NDEL1: variants seen among roughly 807,000 people sequenced by gnomAD.
NDEL1 encodes the protein nuclear distribution protein nudE-like 1.
Under a neutral mutation model 45.7 loss-of-function variants are expected in NDEL1, and 9 were observed. The ratio of observed to expected loss-of-function variants is 0.20; its 90% CI spans 0.12 to 0.34. The LOEUF (loss-of-function observed/expected upper bound fraction) is 0.34. Among genes scored for constraint, NDEL1 ranks in the 10% least tolerant of loss-of-function variants. NDEL1 has a pLI of 1.00. For synonymous variants in NDEL1, 133 were observed against 158.6 expected (o/e 0.84, Z 1.21); for missense variants, 306 against 406.2 (o/e 0.75, Z 2.12).
chr17:8,445,570 A>G, intron 2 of NDEL1, 141 bp from the exon 3 acceptor site: 4 of 826,532 alleles, frequency 4.8e-6, no homozygotes, highest in Non-Finnish European at 7.1e-6. Context: ...ACAGTAAGAG[A>G]TGCAAAACAG....
intron 1 of NDEL1, among the ~76,000 whole-genome samples, chr17:8,442,234 A>C (rs1400067309): frequency 6.6e-6 from 1 of 152,032 alleles, no homozygotes; most frequent in Non-Finnish European, 1.5e-5. Flanking sequence ...ATTTTGTCTA[A>C]CTGATAATGA....
intron 5 of NDEL1, among the ~76,000 whole-genome samples, chr17:8,449,945 G>A (rs939090028): frequency 8.5e-5 from 13 of 152,298 alleles, no homozygotes; most frequent in African/African-American, 3.1e-4. Context: ...TATTCTGTAA[G>A]TTAAATTGCA....
chr17:8,454,202 T>A (rs768369399), intron 6 of NDEL1, among the ~76,000 whole-genome samples: 2 of 152,124 alleles, frequency 1.3e-5, no homozygotes, highest in Non-Finnish European at 2.9e-5. Flanking sequence ...CGCTGAGAGA[T>A]AGAACATCTA....
chr17:8,419,680 T>G (rs111849688), intron 1 of NDEL1, among the ~76,000 whole-genome samples: 216 of 152,280 alleles, frequency 1.4e-3, no homozygotes, highest in African/African-American at 4.8e-3. Context: ...TCTCTTTTTT[T>G]GGGGGAAAAA....
intron 1 of NDEL1, among the ~76,000 whole-genome samples, chr17:8,428,901 C>A (rs1597515150): frequency 6.6e-6 from 1 of 152,012 alleles, no homozygotes; most frequent in Admixed American, 6.6e-5. Flanking sequence ...TCTCGATCTC[C>A]TGACCTTGTG....
At chr17:8,455,993 C>T in intron 7 of NDEL1, among the ~76,000 whole-genome samples, 1 of 152,218 alleles carries the variant, frequency 6.6e-6, no homozygotes, top group Admixed American at 6.5e-5. Context: ...CTAGCATTAG[C>T]TCCCATTACT....
intron 1 of NDEL1, among the ~76,000 whole-genome samples, chr17:8,423,891 T>A (rs1431975000): frequency 6.6e-6 from 1 of 152,204 alleles, no homozygotes; most frequent in Non-Finnish European, 1.5e-5. Context: ...GCTGAAAGGC[T>A]GCCTTTTAAA....
chr17:8,438,106 G>A (rs1014106109), intron 1 of NDEL1, among the ~76,000 whole-genome samples: 5 of 151,900 alleles, frequency 3.3e-5, no homozygotes, highest in East Asian at 1.9e-4. Context: ...TTACAGGTGC[G>A]CACCACGATG....
intron 1 of NDEL1, among the ~76,000 whole-genome samples, chr17:8,424,858 G>A (rs1168678782): frequency 1.3e-5 from 2 of 151,868 alleles, no homozygotes; most frequent in Non-Finnish European, 2.9e-5. Flanking sequence ...TTGTAGAGAC[G>A]GGCTCTCACT....
intron 1 of NDEL1, among the ~76,000 whole-genome samples, chr17:8,425,733 A>T (rs1012339470): frequency 2.0e-4 from 30 of 151,312 alleles, no homozygotes; most frequent in Non-Finnish European, 4.4e-4. Context: ...ACCTTGACTA[A>T]TTTTTTCTCC....
rs374111380 is a variant in NDEL1, at chr17:8,425,783, C to CTT, written c.-13+12525_-13+12526dup. ...TGCTGGCATACTCAGGGTTCTTTGT[C>CTT]TTTTTTTTTTTTCTTTTTTCTTTTT... On this transcript the variant is annotated intron_variant, in intron 1 of 4. Coordinates refer to the NDEL1 transcript ENST00000582812. Among the ~76,000 whole-genome samples the CTT allele has an allele frequency of 4.3e-3, 630 of 144,986 alleles. 4 individuals are homozygous for CTT. Among genetic ancestry groups the CTT allele is most frequent in the African/African-American group, 0.015 (604 of 39,676 alleles).
intron 1 of NDEL1, among the ~76,000 whole-genome samples, chr17:8,420,407 C>T (rs1908673728): frequency 6.6e-6 from 1 of 152,178 alleles, no homozygotes; most frequent in Non-Finnish European, 1.5e-5. Context: ...AAATTGCATG[C>T]TGACTGTTAT....
In NDEL1 at chr17:8,435,949, G is replaced by A. The variant is rs1224472708; in HGVS notation, c.-109G>A. 2.2e-6 allele frequency: 1 copy of A among 449,510 alleles called. No individual in the cohort carries two copies. Among genetic ancestry groups the A allele is most frequent in the Non-Finnish European group, 4.5e-6 (1 of 224,056 alleles). 27.8% of individuals were successfully genotyped at this position (449,510 alleles called of 1,614,324 possible). On this transcript the variant is annotated 5_prime_UTR_variant, in exon 1 of 9. Coordinates refer to ENST00000334527, the MANE Select transcript of NDEL1 (RefSeq NM_030808.5). ...GCTGAGTGGAGCTCGGGGCTGCGTAGGGGAGCTGAGCCGAGCGGCTGGGCG... is the reference window on the plus strand; with the variant it reads ...GCTGAGTGGAGCTCGGGGCTGCGTAAGGGAGCTGAGCCGAGCGGCTGGGCG...
At chr17:8,432,575 G>A (rs908149531), upstream of NDEL1, among the ~76,000 whole-genome samples, 32 of 151,298 alleles carry the variant, frequency 2.1e-4, no homozygotes, top group Non-Finnish European at 3.8e-4. Context: ...TAGTAGAGAC[G>A]GGTTTTCACC....
At chr17:8,433,576 A>G (rs1909071261), upstream of NDEL1, among the ~76,000 whole-genome samples, 1 of 152,134 alleles carries the variant, frequency 6.6e-6, no homozygotes, top group African/African-American at 2.4e-5. Flanking sequence ...ATGTGTTCTG[A>G]TAGGGACTCT....
At chr17:8,466,564 A>G in intron 8 of NDEL1, 1 of 183,728 alleles carries the variant, frequency 5.4e-6, no homozygotes, top group Non-Finnish European at 1.1e-5. Context: ...AAACTTGTGG[A>G]ATGTGTTTTT....
Position 8,424,679 on chromosome 17 carries a change from T to A in NDEL1, c.-13+11410T>A, listed in dbSNP as rs192385457. Among the ~76,000 whole-genome samples, 743 of 152,308 alleles carry A rather than the reference T, an allele frequency of 4.9e-3. 6 individuals are homozygous for A. The highest frequency in any genetic ancestry group is 0.017 in the African/African-American group (707 of 41,578). On this transcript the variant is annotated intron_variant, in intron 1 of 4. Coordinates refer to the NDEL1 transcript ENST00000582812. ...AACATGCCTGGCTAATTTTTTTTTG[T>A]ATTTTTAGTAGAGATGGGGTTTCAC...
intron 1 of NDEL1, among the ~76,000 whole-genome samples, chr17:8,415,871 C>T (rs1597510033): frequency 6.6e-6 from 1 of 152,250 alleles, no homozygotes; most frequent in Admixed American, 6.5e-5. Flanking sequence ...CCTCAGCCTC[C>T]TGAGTAGCCG....
intron 1 of NDEL1, among the ~76,000 whole-genome samples, chr17:8,423,927 T>C (rs1320396836): frequency 1.3e-5 from 2 of 152,196 alleles, no homozygotes; most frequent in African/African-American, 2.4e-5. Flanking sequence ...CCTAAATCCA[T>C]AGGCTTAGGA....
Sources: allele counts gnomAD v4.1 joint callset (sites outside exome capture counted in the v4.1 genomes callset), GRCh38; gene constraint gnomAD v4.1.1; transcripts MANE v1.5; gene names NCBI Gene and HGNC (gene_info 2026-07-23, HGNC 2026-07-21).